ALAS1: variants seen among roughly 807,000 people sequenced by gnomAD.
ALAS1 encodes 5-aminolevulinate synthase, non-specific, mitochondrial.
A neutral mutation model predicts 59.6 loss-of-function variants in ALAS1; 29 were observed. The observed-to-expected ratio is 0.49, with a 90% CI of 0.36 to 0.66. The LOEUF is 0.66. Among genes scored for constraint, ALAS1 ranks in the 30% least tolerant of loss-of-function variants. The probability of loss-of-function intolerance (pLI) is 0.00; values close to 1 mark genes in which losing one functional copy is unlikely to be tolerated. For missense variants in ALAS1, 690 were observed against 807.5 expected, an observed-to-expected ratio of 0.85 and a Z score of 1.76; for synonymous variants, 299 against 296.6, an observed-to-expected ratio of 1.01 and a Z score of -0.08.
intron 4 of ALAS1, among the ~76,000 whole-genome samples, chr3:52,203,351 G>A (rs2107267238): frequency 6.6e-6 from 1 of 152,294 alleles, no homozygotes; most frequent in African/African-American, 2.4e-5. Flanking sequence ...GACCAGCCAG[G>A]CCAACATGGG....
In ALAS1 at chr3:52,214,201, C is replaced by T; in HGVS notation, c.*21C>T. Reference sequence around the variant, plus strand: ...CCTGAGCATGACCTCAATTATTTCACTTAACCCCAGGCCATTATCATATCC... The same window carrying T: ...CCTGAGCATGACCTCAATTATTTCATTTAACCCCAGGCCATTATCATATCC... On this transcript the variant is annotated 3_prime_UTR_variant, in exon 12 of 12. Coordinates refer to ENST00000484952, the MANE Select transcript of ALAS1 (RefSeq NM_000688.6). 6.4e-7 allele frequency: 1 copy of T among 1,571,246 alleles called. No homozygotes were observed. Among genetic ancestry groups the T allele is most frequent in the Non-Finnish European group, 8.7e-7 (1 of 1,146,604 alleles).
chr3:52,199,577 G>T, intron 3 of ALAS1, 137 bp downstream of exon 3: 1 of 802,344 alleles, frequency 1.2e-6, no homozygotes, highest in Non-Finnish European at 1.9e-6. Context: ...TCTGAGCACA[G>T]ATTATCTCAT....
intron 2 of ALAS1, 78 bp downstream of exon 2, chr3:52,198,926 C>A: frequency 6.9e-7 from 1 of 1,452,916 alleles, no homozygotes; most frequent in Non-Finnish European, 9.3e-7. Flanking sequence ...TTGACCTTTC[C>A]CTCATCCTTC....
At chr3:52,210,478 CT>C in intron 9 of ALAS1, among the ~76,000 whole-genome samples, 1 of 152,066 alleles carries the variant, frequency 6.6e-6, no homozygotes, top group Admixed American at 6.6e-5. Flanking sequence ...CTTTTTTACC[CT>C]TTTAAAAGTG....
upstream of ALAS1, chr3:52,198,115 G>T: frequency 2.5e-6 from 1 of 398,118 alleles, no homozygotes; most frequent in Non-Finnish European, 4.4e-6. Context: ...CGCATGCGCA[G>T]CGGTCACTCC....
At position 52,211,451 on chromosome 3, in the gene ALAS1, T is replaced by A; in HGVS notation, c.1499T>A (p.Leu500His). Residue 500 changes from leucine (L) to histidine (H), a missense_variant, in exon 10 of 12, where the codon CTT becomes CAT. Leu to His is a moderately conservative substitution (Grantham distance 99). Coordinates refer to ENST00000484952, the MANE Select transcript of ALAS1 (RefSeq NM_000688.6). ...RILKSAEGRV[L>H]RRQHQRNVKL... ...CTGAAGAGCGCTGAGGGACGGGTGCTTCGCCGCCAGCACCAGCGCAACGTC... is the reference window on the plus strand; with the variant it reads ...CTGAAGAGCGCTGAGGGACGGGTGCATCGCCGCCAGCACCAGCGCAACGTC... 6.2e-7 allele frequency: 1 copy of A among 1,614,228 alleles called. No individual in the cohort carries two copies. Among genetic ancestry groups the A allele is most frequent in the African/African-American group, 1.3e-5 (1 of 75,054 alleles).
intron 3 of ALAS1, among the ~76,000 whole-genome samples, chr3:52,201,208 TGC>T (rs1699179871): frequency 1.3e-5 from 2 of 152,204 alleles, no homozygotes; most frequent in Non-Finnish European, 2.9e-5. Context: ...TGAATGAATT[TGC>T]TCAAGGGGAG....
At chr3:52,207,972 A>G (rs1699328371) in intron 8 of ALAS1, 111 bp from the exon 9 acceptor site, 12 of 1,133,046 alleles carry the variant, frequency 1.1e-5, no homozygotes, top group Non-Finnish European at 1.3e-5. Context: ...TTTCTTTCCA[A>G]TATTGAAAAT....
intron 1 of ALAS1, 147 bp from the exon 2 acceptor site, chr3:52,198,525 G>A (rs1367775132): frequency 1.0e-5 from 5 of 478,700 alleles, no homozygotes; most frequent in Admixed American, 3.6e-5. Flanking sequence ...CCTCGACCGC[G>A]GGTCACCTCT....
intron 9 of ALAS1, among the ~76,000 whole-genome samples, chr3:52,210,779 T>TA (rs1037216594): frequency 2.5e-4 from 36 of 146,822 alleles, no homozygotes; most frequent in South Asian, 4.3e-4. Context: ...ACCCTGTCTC[T>TA]AAAAAAAAAA....
At chr3:52,202,978 A>G (rs1330991818) in intron 4 of ALAS1, among the ~76,000 whole-genome samples, 1 of 152,118 alleles carries the variant, frequency 6.6e-6, no homozygotes, top group Non-Finnish European at 1.5e-5. Context: ...ATTTCTGAAA[A>G]TAACCTGCAG....
chr3:52,202,011 C>T (rs1200896501), intron 3 of ALAS1, among the ~76,000 whole-genome samples: 1 of 152,098 alleles, frequency 6.6e-6, no homozygotes, highest in Non-Finnish European at 1.5e-5. Context: ...GCATTGTTTC[C>T]TGTGAAGCAG....
chr3:52,205,002 A>G lies in ALAS1; in HGVS notation c.800+87A>G, dbSNP rs1013469690. The G allele has an allele frequency of 3.6e-6, 4 of 1,121,858 alleles. No individual in the cohort carries two copies. The African/African-American group carries it at 4.6e-5, about 13-fold the overall frequency. The allele number at this position is 1,121,858 out of a possible 1,614,324, so 69.5% of individuals were successfully genotyped here. ...AGGGGTTGGATCTTTTATGGAGGGA[A>G]CATTCAGTAGCTGAAAGTGTGCCAT... On this transcript the variant is annotated intron_variant, in intron 6 of 11. Transcript: ENST00000484952.
At position 52,211,436 on chromosome 3, in the gene ALAS1, C is replaced by T; in HGVS notation, c.1484C>T (p.Ala495Val). 6.2e-7 allele frequency: 1 copy of T among 1,614,222 alleles called. No individual in the cohort carries two copies. The highest frequency in any genetic ancestry group is 1.1e-5 in the South Asian group (1 of 91,092). The stretch of plus-strand genomic sequence containing the variant: ...GAGTCTGTGCGGATCCTGAAGAGCG[C>T]TGAGGGACGGGTGCTTCGCCGCCAG... ...ALESVRILKSAEGRVLRRQHQ... is the reference protein window; with the variant it reads ...ALESVRILKSVEGRVLRRQHQ... Residue 495 changes from alanine to valine, a missense_variant, in exon 10 of 12, where the codon GCT becomes GTT. By Grantham distance (64) the Ala-to-Val change is moderately conservative (BLOSUM62 0). Transcript: ENST00000484952.
At position 52,203,859 on chromosome 3, in the gene ALAS1, C is replaced by A; in HGVS notation, c.428-4C>A. On this transcript the variant is annotated splice_polypyrimidine_tract_variant and splice_region_variant and intron_variant, in intron 4 of 11. Coordinates refer to ENST00000484952, the MANE Select transcript of ALAS1 (RefSeq NM_000688.6). Reference sequence around the variant, plus strand: ...CCATTTGTTTCTTGTTACTTTTGTTCCAGAGGTTGCTGAAACCTCAGCAGG... The same window carrying A: ...CCATTTGTTTCTTGTTACTTTTGTTACAGAGGTTGCTGAAACCTCAGCAGG... 1 of 1,572,770 alleles carries A rather than the reference C, an allele frequency of 6.4e-7. No individual in the cohort carries two copies. The highest frequency in any genetic ancestry group is 8.6e-7 in the Non-Finnish European group (1 of 1,159,874).
intron 6 of ALAS1, 39 bp from the exon 7 acceptor site, chr3:52,205,800 T>G: frequency 1.2e-4 from 188 of 1,572,048 alleles, no homozygotes; most frequent in Middle Eastern, 1.7e-4. Context: ...TTGAGAACCA[T>G]GAGCTTTATT....
chr3:52,203,442 G>A (rs144285500), intron 4 of ALAS1, among the ~76,000 whole-genome samples: 56 of 152,232 alleles, frequency 3.7e-4, no homozygotes, highest in African/African-American at 1.2e-3. Context: ...TCAGGAGGTT[G>A]AGGAGGGAGG....
chr3:52,207,353 G>A (rs1442553447), intron 8 of ALAS1, among the ~76,000 whole-genome samples: 1 of 151,816 alleles, frequency 6.6e-6, no homozygotes, highest in Non-Finnish European at 1.5e-5. Context: ...AGTCAGGATG[G>A]TCTCAATCTC....
At position 52,204,687 on chromosome 3, in the gene ALAS1, T is replaced by A; in HGVS notation, c.578-6T>A. 6.2e-7 allele frequency: 1 copy of A among 1,612,250 alleles called. No homozygotes were observed. Among genetic ancestry groups the A allele is most frequent in the Non-Finnish European group, 8.5e-7 (1 of 1,178,770 alleles). On this transcript the variant is annotated splice_region_variant and splice_polypyrimidine_tract_variant and intron_variant, in intron 5 of 11. Transcript: ENST00000484952. ...CATTCTGTACTGTCTTTTGTTCAAT[T>A]TTTAGCTGTTTCCACTTTTCAGTAT...
Sources: gnomAD v4.1 joint callset for allele counts (sites outside exome capture counted in the v4.1 genomes callset) on GRCh38, gnomAD v4.1.1 for gene constraint, MANE v1.5 for transcripts, NCBI Gene and HGNC (gene_info 2026-07-23, HGNC 2026-07-21) for gene names.